The following TMEM108 variants were observed in gnomAD, a reference collection of about 807,000 sequenced individuals.
The protein encoded by TMEM108 is cancer/testis antigen 124.
A neutral mutation model predicts 35.1 loss-of-function variants in TMEM108; 12 were observed. That is an observed-to-expected ratio of 0.34 (90% CI 0.22 to 0.55). The LOEUF is 0.55. TMEM108 is among the 20% of genes least tolerant of loss of function. TMEM108 has a pLI of 0.89. For missense variants in TMEM108, 680 were observed against 753.3 expected (o/e 0.90, Z 1.14); for synonymous variants, 287 against 308.6 (o/e 0.93, Z 0.73).
chr3:133,093,154 T>A (rs545141066), intron 2 of TMEM108, among the ~76,000 whole-genome samples: 18 of 152,300 alleles, frequency 1.2e-4, no homozygotes, highest in South Asian at 6.2e-4. Flanking sequence ...CACATCTGGC[T>A]AATTTTTTGT....
intron 5 of TMEM108, among the ~76,000 whole-genome samples, chr3:133,391,662 A>AT (rs1325775106): frequency 1.3e-5 from 2 of 152,124 alleles, no homozygotes; most frequent in African/African-American, 4.8e-5. Context: ...CACCCACTCC[A>AT]GGTGTGTGCA....
rs555798516 is a variant in TMEM108, at chr3:133,064,087, T to C, written c.-47+18067T>C. Among the ~76,000 whole-genome samples the C allele has an allele frequency of 9.2e-5, 14 of 152,314 alleles. No individual in the cohort carries two copies. In the South Asian group the frequency reaches 2.9e-3, roughly 32 times the overall value. ...GTCTGGACAGAAGAAAGCGGTAATGTCTGCCAGTCTGAGGACAGAGCGTGT... is the reference window on the plus strand; with the variant it reads ...GTCTGGACAGAAGAAAGCGGTAATGCCTGCCAGTCTGAGGACAGAGCGTGT... On this transcript the variant is annotated intron_variant, in intron 2 of 5. Coordinates refer to ENST00000321871, the MANE Select transcript of TMEM108 (RefSeq NM_023943.4).
intron 2 of TMEM108, among the ~76,000 whole-genome samples, chr3:133,197,378 G>C (rs1945594248): frequency 6.6e-6 from 1 of 152,140 alleles, no homozygotes; most frequent in Admixed American, 6.5e-5. Flanking sequence ...ATCCGCAGTG[G>C]TAGAGTGAGG....
intron 3 of TMEM108, among the ~76,000 whole-genome samples, chr3:133,319,399 C>T (rs756968426): frequency 1.1e-4 from 16 of 152,178 alleles, no homozygotes; most frequent in Non-Finnish European, 1.8e-4. Flanking sequence ...CTTGAAAGCA[C>T]GACCTCCTGG....
At chr3:133,335,344 A>G (rs1468002184) in intron 3 of TMEM108, among the ~76,000 whole-genome samples, 1 of 152,240 alleles carries the variant, frequency 6.6e-6, no homozygotes, top group Non-Finnish European at 1.5e-5. Context: ...TTTAAATCAA[A>G]AAAAGCAAAA....
intron 3 of TMEM108, among the ~76,000 whole-genome samples, chr3:133,263,764 C>CT (rs984239514): frequency 1.3e-5 from 2 of 152,208 alleles, no homozygotes; most frequent in Non-Finnish European, 2.9e-5. Context: ...GCCATGCTGT[C>CT]TTTTTCCAGA....
intron 2 of TMEM108, among the ~76,000 whole-genome samples, chr3:133,214,520 G>C (rs1456749661): frequency 6.6e-6 from 1 of 152,074 alleles, no homozygotes. Flanking sequence ...TCTTTTCCTA[G>C]GGAGACGGAA....
chr3:133,135,569 TG>T (rs1016380695), intron 2 of TMEM108, among the ~76,000 whole-genome samples: 11 of 151,964 alleles, frequency 7.2e-5, no homozygotes, highest in Admixed American at 4.6e-4. Flanking sequence ...AACAGGGAAT[TG>T]GGGGAGGTTT....
At chr3:133,174,064 C>T (rs988440588) in intron 2 of TMEM108, among the ~76,000 whole-genome samples, 6 of 152,226 alleles carry the variant, frequency 3.9e-5, no homozygotes, top group South Asian at 2.1e-4. Context: ...CCTATTCCCA[C>T]GGAGCCTTGC....
intron 3 of TMEM108, among the ~76,000 whole-genome samples, chr3:133,276,480 C>T (rs984260206): frequency 1.3e-5 from 2 of 152,156 alleles, no homozygotes; most frequent in Non-Finnish European, 1.5e-5. Context: ...TGATGTGGGC[C>T]TTGATCATGG....
At chr3:133,263,108 T>C (rs143929102) in intron 3 of TMEM108, among the ~76,000 whole-genome samples, 5 of 152,326 alleles carry the variant, frequency 3.3e-5, no homozygotes, top group Non-Finnish European at 5.9e-5. Context: ...ATGCCCCAGG[T>C]GAGGTAGAGA....
At chr3:133,057,330 C>CTTTAAATTTT (rs1943476998) in intron 2 of TMEM108, among the ~76,000 whole-genome samples, 1 of 94,976 alleles carries the variant, frequency 1.1e-5, no homozygotes, top group Non-Finnish European at 2.6e-5. Context: ...TAAAATAAGA[C>CTTTAAATTTT]TTTAAATTTT....
chr3:133,328,401 C>T (rs73207714), intron 3 of TMEM108, among the ~76,000 whole-genome samples: 20,702 of 152,014 alleles, frequency 0.14, 1,506 homozygotes, highest in South Asian at 0.22. Context: ...CAGGGTGGTA[C>T]GGTGGTAGAC....
At chr3:133,381,196 C>G (rs11921648) in intron 4 of TMEM108, 35 bp downstream of exon 4, 4 of 1,544,728 alleles carry the variant, frequency 2.6e-6, no homozygotes, top group South Asian at 1.2e-5. Flanking sequence ...TCCTCTCCCT[C>G]TACCACATCA....
intron 2 of TMEM108, among the ~76,000 whole-genome samples, chr3:133,199,599 G>A (rs1321029463): frequency 6.6e-6 from 1 of 152,178 alleles, no homozygotes; most frequent in African/African-American, 2.4e-5. Context: ...CTGCAGAACA[G>A]CAAATATTGC....
intron 3 of TMEM108, among the ~76,000 whole-genome samples, chr3:133,268,599 A>C (rs932129746): frequency 1.3e-5 from 2 of 152,234 alleles, no homozygotes; most frequent in African/African-American, 4.8e-5. Flanking sequence ...TTGGGCATTC[A>C]CAGCATCAGT....
intron 2 of TMEM108, among the ~76,000 whole-genome samples, chr3:133,142,557 T>A (rs1338974666): frequency 6.6e-6 from 1 of 152,118 alleles, no homozygotes; most frequent in Non-Finnish European, 1.5e-5. Flanking sequence ...GGAGCACGGT[T>A]TCACACTCCA....
At chr3:133,122,741 T>C (rs1257676339) in intron 2 of TMEM108, among the ~76,000 whole-genome samples, 3 of 151,690 alleles carry the variant, frequency 2.0e-5, no homozygotes, top group Non-Finnish European at 4.4e-5. Context: ...CAGGTGCCTG[T>C]AGTCCCAGCT....
chr3:133,366,812 A>G (rs1559930850), intron 3 of TMEM108, among the ~76,000 whole-genome samples: 1 of 152,188 alleles, frequency 6.6e-6, no homozygotes, highest in Non-Finnish European at 1.5e-5. Flanking sequence ...AGGGAAATTG[A>G]TTAGTACAGT....
Sources: gnomAD v4.1 joint callset for allele counts (sites outside exome capture counted in the v4.1 genomes callset) on GRCh38, gnomAD v4.1.1 for gene constraint, MANE v1.5 for transcripts, NCBI Gene and HGNC (gene_info 2026-07-23, HGNC 2026-07-21) for gene names.